Variants in GLB1 observed in about 807,000 individuals in gnomAD.
GLB1 encodes the protein beta-galactosidase.
A neutral mutation model predicts 74.0 loss-of-function variants in GLB1; 56 were observed. That is an observed-to-expected ratio of 0.76 (90% CI 0.61 to 0.94). The LOEUF is 0.94. Among genes scored for constraint, GLB1 ranks in the 40% least tolerant of loss-of-function variants. GLB1 has a pLI of 0.00. For synonymous variants in GLB1, 323 were observed against 323.6 expected (o/e 1.00, Z 0.02); for missense variants, 787 against 845.5 (o/e 0.93, Z 0.86).
the GLB1 span, among the ~76,000 whole-genome samples, chr3:32,985,511 C>T: frequency 1.3e-5 from 2 of 151,844 alleles, no homozygotes; most frequent in Non-Finnish European, 2.9e-5. Flanking sequence ...AGGCTGGTCT[C>T]GAACTCCAGA....
At chr3:33,051,675 AT>A (rs1698995911) in intron 9 of GLB1, 82 bp downstream of exon 9, 2 of 1,593,450 alleles carry the variant, frequency 1.3e-6, no homozygotes, top group Non-Finnish European at 1.7e-6. Context: ...GGAAAATAAA[AT>A]TGTCTGTGGG....
At chr3:33,040,619 G>GACA (rs974918861) in intron 10 of GLB1, among the ~76,000 whole-genome samples, 199 of 151,608 alleles carry the variant, frequency 1.3e-3, no homozygotes, top group African/African-American at 4.4e-3. Context: ...TAAGAACAAT[G>GACA]ACAACAACAA....
chr3:33,086,118 C>A (rs1001645837), intron 1 of GLB1, among the ~76,000 whole-genome samples: 11 of 151,958 alleles, frequency 7.2e-5, no homozygotes, highest in Non-Finnish European at 5.9e-5. Flanking sequence ...CCCAACTGGC[C>A]AAAGATGGGC....
intron 13 of GLB1, 26 bp downstream of exon 13, chr3:33,018,422 A>T: frequency 6.2e-7 from 1 of 1,612,542 alleles, no homozygotes; most frequent in Non-Finnish European, 8.5e-7. Context: ...CTGGGACAAA[A>T]CGCACAGTTC....
chr3:33,053,423 C>T, intron 7 of GLB1, 68 bp downstream of exon 7: 1 of 1,611,494 alleles, frequency 6.2e-7, no homozygotes, highest in Non-Finnish European at 8.5e-7. Context: ...GCCTACTGCC[C>T]AGTTTCAGCA....
At chr3:33,063,329 C>A (rs976739169) in intron 5 of GLB1, among the ~76,000 whole-genome samples, 2 of 151,956 alleles carry the variant, frequency 1.3e-5, no homozygotes, top group African/African-American at 4.8e-5. Flanking sequence ...GTTTGAGTAA[C>A]AATTATGTTT....
chr3:33,037,609 C>T (rs978937803), intron 10 of GLB1, among the ~76,000 whole-genome samples: 1 of 152,164 alleles, frequency 6.6e-6, no homozygotes, highest in African/African-American at 2.4e-5. Context: ...GCTCATGTCA[C>T]ACTCTCTGTA....
the GLB1 span, among the ~76,000 whole-genome samples, chr3:32,982,790 G>GA: frequency 6.6e-6 from 1 of 152,080 alleles, no homozygotes; most frequent in African/African-American, 2.4e-5. Context: ...ATACTTTAGT[G>GA]TACCCTTCAG....
At chr3:33,096,100 C>T (rs750558765) in intron 1 of GLB1, among the ~76,000 whole-genome samples, 1 of 152,200 alleles carries the variant, frequency 6.6e-6, no homozygotes, top group Non-Finnish European at 1.5e-5. Flanking sequence ...GTGTCAAATG[C>T]TACCAGCTCT....
At chr3:33,096,931 G>C in intron 1 of GLB1, 80 bp downstream of exon 1, 2 of 1,552,076 alleles carry the variant, frequency 1.3e-6, no homozygotes, top group Non-Finnish European at 8.7e-7. Flanking sequence ...CGGGACCGCG[G>C]GTGGCTGCGA....
chr3:33,069,596 T>G (rs35625458), intron 2 of GLB1, among the ~76,000 whole-genome samples: 22,038 of 152,206 alleles, frequency 0.14, 1,725 homozygotes, highest in Admixed American at 0.19. Context: ...TGTAGATTAT[T>G]GCCTGAGAGA....
At chr3:32,999,774 C>T (rs992844611) in intron 15 of GLB1, among the ~76,000 whole-genome samples, 8 of 152,192 alleles carry the variant, frequency 5.3e-5, no homozygotes, top group African/African-American at 1.9e-4. Context: ...CCTCCGCCTT[C>T]TGAGTAGCTG....
At chr3:33,025,752 G>T (rs1697717918) in intron 10 of GLB1, among the ~76,000 whole-genome samples, 1 of 151,856 alleles carries the variant, frequency 6.6e-6, no homozygotes, top group South Asian at 2.1e-4. Flanking sequence ...GTGGCGGTGG[G>T]AGCAGCTGCA....
intron 5 of GLB1, 138 bp downstream of exon 5, chr3:33,065,325 C>T (rs1245775751): frequency 1.7e-6 from 2 of 1,207,906 alleles, no homozygotes; most frequent in African/African-American, 3.0e-5. Flanking sequence ...TGCAATTGAA[C>T]TAAAAGCACT....
intron 10 of GLB1, among the ~76,000 whole-genome samples, chr3:33,040,441 CA>C (rs71070115): frequency 1.1e-4 from 16 of 146,638 alleles, no homozygotes; most frequent in African/African-American, 7.6e-5. Flanking sequence ...CCTGGCTCTA[CA>C]AAAAAAAAAT....
At chr3:33,024,946 TC>T (rs1243033241) in intron 10 of GLB1, among the ~76,000 whole-genome samples, 164 of 133,532 alleles carry the variant, frequency 1.2e-3, no homozygotes, top group African/African-American at 4.4e-3. Flanking sequence ...ATACAAATCC[TC>T]TTTTTTTTTT....
rs71070118 is a variant in GLB1, at chr3:33,064,452, AC to A, written c.552+1010del. 2.3e-3 allele frequency among the ~76,000 whole-genome samples: 301 copies of A among 130,406 alleles called. 32 individuals carry two copies. In the South Asian group the frequency reaches 0.039, roughly 17 times the overall value. The allele number at this position is 130,406 out of a possible 152,430, so 85.6% of individuals were successfully genotyped here. A position where few individuals can be genotyped will look rare whatever the true frequency, so the allele number is the denominator to read the frequency against. ...GAGACTCTGTCTCCTAAAAAAAAAA[AC>A]AAAAAACCTTTACTCTTTTCCATAA... On this transcript the variant is annotated intron_variant, in intron 5 of 15. Transcript: ENST00000307363.
chr3:33,004,525 T>G (rs940030359), intron 15 of GLB1, among the ~76,000 whole-genome samples: 3 of 152,194 alleles, frequency 2.0e-5, no homozygotes, highest in Non-Finnish European at 4.4e-5. Context: ...AGTAGAGCCA[T>G]CCACTACTTA....
At chr3:32,996,460 A>G, downstream of GLB1, 1 of 160,228 alleles carries the variant, frequency 6.2e-6, no homozygotes, top group Admixed American at 5.8e-5. Flanking sequence ...ATGCTTCTAT[A>G]TAGATATACC....
Sources: gnomAD v4.1 joint callset for allele counts (sites outside exome capture counted in the v4.1 genomes callset) on GRCh38, gnomAD v4.1.1 for gene constraint, MANE v1.5 for transcripts, NCBI Gene and HGNC (gene_info 2026-07-23, HGNC 2026-07-21) for gene names.